Variants in FAM227A observed in about 807,000 individuals in gnomAD.
FAM227A encodes the protein protein FAM227A.
FAM227A carries 80 observed loss-of-function variants against 74.7 expected under a neutral mutation model. That is an observed-to-expected ratio of 1.07 (90% confidence interval 0.89 to 1.29). FAM227A has a LOEUF of 1.29. FAM227A is among the 50% of genes most tolerant of loss of function. FAM227A has a pLI of 0.00. For synonymous variants in FAM227A, 237 were observed against 241.8 expected, an observed-to-expected ratio of 0.98 and a Z score of 0.19; for missense variants, 654 against 683.4, an observed-to-expected ratio of 0.96 and a Z score of 0.48.
chr22:38,618,058 A>T (rs975510161), intron 11 of FAM227A, among the ~76,000 whole-genome samples: 1 of 152,222 alleles, frequency 6.6e-6, no homozygotes. Context: ...GGCCTGTATA[A>T]TAAGGAACAT....
chr22:38,650,091 G>A lies in FAM227A; in HGVS notation c.78C>T (p.Val26=). 6.4e-7 allele frequency: 1 copy of A among 1,552,066 alleles called. No individual in the cohort carries two copies. Among genetic ancestry groups the A allele is most frequent in the Non-Finnish European group, 8.7e-7 (1 of 1,147,066 alleles). ...PMIPVDEHLA[V]SLVARNTMVK... ...CCATTGTATTCCGTGCGACAAGCGA[G>A]ACAGCCAGGTGCTCATCCACTGGTA... The change falls in exon 2 of 17, where the codon GTC becomes GTT. Residue 26 remains valine, a synonymous_variant. Transcript: ENST00000535113.
intron 16 of FAM227A, among the ~76,000 whole-genome samples, chr22:38,586,698 A>G (rs2090816490): frequency 6.6e-6 from 1 of 152,126 alleles, no homozygotes; most frequent in Non-Finnish European, 1.5e-5. Flanking sequence ...GGGACGGAGT[A>G]TCGCTCTGTT....
intron 15 of FAM227A, among the ~76,000 whole-genome samples, chr22:38,593,101 G>A (rs185793833): frequency 6.7e-4 from 102 of 152,344 alleles, no homozygotes; most frequent in African/African-American, 1.9e-3. Flanking sequence ...CATGGATCCC[G>A]CCATCAAGGC....
Position 38,607,475 on chromosome 22 carries a change from GA to G in FAM227A, c.1039del (p.Ser347LeufsTer38). The G allele has an allele frequency of 7.1e-6, 11 of 1,543,842 alleles. No individual in the cohort carries two copies. The highest frequency in any genetic ancestry group is 9.6e-6 in the Non-Finnish European group (11 of 1,139,950). ...AQSRKFYHPQ[S>X]SSANSPSEKT... Reference sequence around the variant, plus strand: ...TTCACTGGGTGAATTTGCACTAGAAGACTTCAGGAGACAAGAGAGAGAAAGA... The same window carrying G: ...TTCACTGGGTGAATTTGCACTAGAAGCTTCAGGAGACAAGAGAGAGAAAGA... On this transcript the variant is annotated frameshift_variant and splice_region_variant, in exon 12 of 17. Transcript: ENST00000535113. LOFTEE classifies it high-confidence loss of function.
At chr22:38,655,645 C>G (rs2145768248) in intron 1 of FAM227A, among the ~76,000 whole-genome samples, 1 of 152,164 alleles carries the variant, frequency 6.6e-6, no homozygotes, top group East Asian at 1.9e-4. Flanking sequence ...ACTTGGCTTT[C>G]TTTTTTACTT....
At chr22:38,593,484 G>A (rs539094767) in intron 15 of FAM227A, among the ~76,000 whole-genome samples, 266 of 152,196 alleles carry the variant, frequency 1.7e-3, no homozygotes, top group Non-Finnish European at 2.8e-3. Flanking sequence ...CAGCCTGGGC[G>A]ACAGAGCAAG....
At position 38,595,969 on chromosome 22, in the gene FAM227A, AAG is replaced by A. The variant is rs1491157992; in HGVS notation, c.1532+1233_1532+1234del. Among the ~76,000 whole-genome samples the A allele has an allele frequency of 1.5e-3, 28 of 18,648 alleles. No homozygotes were observed. In the South Asian group the frequency reaches 0.025, roughly 17 times the overall value. The allele number at this position is 18,648 out of a possible 152,430, so 12.2% of individuals were successfully genotyped here. ...TCCATGTCATAAAAAAACAACTAAT[AAG>A]GGGGGGGGGGCAGGATACTGTTATA... On this transcript the variant is annotated intron_variant, in intron 15 of 16. Transcript: ENST00000535113.
chr22:38,628,886 G>A lies in FAM227A; in HGVS notation c.569C>T (p.Pro190Leu), dbSNP rs201706431. 2.6e-6 allele frequency: 4 copies of A among 1,546,956 alleles called. No individual in the cohort carries two copies. Among genetic ancestry groups the A allele is most frequent in the Admixed American group, 4.0e-5 (2 of 50,294 alleles). ...AAAGCTATCCAGCCAGATGGCTCTT[G>A]GAGAAGAAGAAGAGAGAAACTTCTC... is the stretch of plus-strand genomic sequence containing the variant. Reference protein sequence around the residue: ...ELEKFLSSSSPRAIWLDSFWW... With the variant: ...ELEKFLSSSSLRAIWLDSFWW... Residue 190 changes from proline (P) to leucine (L), a missense_variant, in exon 7 of 17, where the codon CCA becomes CTA. Coordinates refer to ENST00000535113, the MANE Select transcript of FAM227A (RefSeq NM_001013647.2).
At chr22:38,613,427 G>C (rs1435288650) in intron 11 of FAM227A, among the ~76,000 whole-genome samples, 1 of 6,362 alleles carries the variant, frequency 1.6e-4, no homozygotes, top group African/African-American at 3.6e-4. Context: ...TATATAATTT[G>C]TTTGTTTTCC....
intron 3 of FAM227A, among the ~76,000 whole-genome samples, chr22:38,644,302 G>A (rs189670206): frequency 3.3e-5 from 5 of 150,968 alleles, no homozygotes; most frequent in Non-Finnish European, 5.9e-5. Context: ...TGGTTCCCAG[G>A]GGTTAGGGAG....
chr22:38,626,114 C>A, intron 9 of FAM227A, 66 bp downstream of exon 9: 1 of 1,514,610 alleles, frequency 6.6e-7, no homozygotes, highest in East Asian at 2.5e-5. Flanking sequence ...CAATAACATA[C>A]CTAGGTGCCA....
intron 11 of FAM227A, among the ~76,000 whole-genome samples, chr22:38,613,333 A>AAC (rs2091492152): frequency 2.4e-5 from 1 of 41,322 alleles, no homozygotes; most frequent in Non-Finnish European, 4.3e-5. Context: ...TATCATATAT[A>AAC]ATATATAACA....
At chr22:38,590,146 G>A (rs1262792415) in intron 16 of FAM227A, among the ~76,000 whole-genome samples, 4 of 151,296 alleles carry the variant, frequency 2.6e-5, no homozygotes, top group East Asian at 3.9e-4. Flanking sequence ...GGGCATGGTG[G>A]CACGCGCCTG....
At chr22:38,598,636 G>C (rs1354445993) in intron 14 of FAM227A, among the ~76,000 whole-genome samples, 1 of 152,192 alleles carries the variant, frequency 6.6e-6, no homozygotes, top group African/African-American at 2.4e-5. Context: ...TCCTCCTGTT[G>C]GGGAGCTCAA....
At chr22:38,640,019 A>G (rs2092080659) in intron 3 of FAM227A, among the ~76,000 whole-genome samples, 1 of 152,004 alleles carries the variant, frequency 6.6e-6, no homozygotes, top group Non-Finnish European at 1.5e-5. Context: ...GGGGGATAAT[A>G]ATATCTATCT....
intron 8 of FAM227A, among the ~76,000 whole-genome samples, chr22:38,626,865 CAAA>C (rs67498232): frequency 1.8e-4 from 3 of 16,798 alleles, no homozygotes; most frequent in African/African-American, 3.3e-4. Flanking sequence ...GACTCTGTCT[CAAA>C]AAAAAAAAAA....
chr22:38,598,573 G>A (rs1037350369), intron 14 of FAM227A, among the ~76,000 whole-genome samples: 2 of 152,162 alleles, frequency 1.3e-5, no homozygotes, highest in African/African-American at 4.8e-5. Flanking sequence ...ATAAGTTTGC[G>A]GACATGCAGT....
In FAM227A at chr22:38,582,819, A is replaced by C; in HGVS notation, c.*3306T>G. On this transcript the variant is annotated 3_prime_UTR_variant, in exon 17 of 17. Transcript: ENST00000535113. ...AACTGCTGCCATAATGGGATGGCAC[A>C]GAATGCTGTTGGAGCATAATGCAGT... 6.5e-7 allele frequency: 1 copy of C among 1,549,536 alleles called. No homozygotes were observed. The highest frequency in any genetic ancestry group is 8.7e-7 in the Non-Finnish European group (1 of 1,146,824).
At chr22:38,614,296 A>G (rs1488428569) in intron 11 of FAM227A, among the ~76,000 whole-genome samples, 2 of 152,116 alleles carry the variant, frequency 1.3e-5, no homozygotes, top group African/African-American at 4.8e-5. Flanking sequence ...CATTTCCTAA[A>G]ACTTTTTATC....
Sources: gnomAD v4.1 joint callset for allele counts (sites outside exome capture counted in the v4.1 genomes callset) on GRCh38, gnomAD v4.1.1 for gene constraint, MANE v1.5 for transcripts, NCBI Gene and HGNC (gene_info 2026-07-23, HGNC 2026-07-21) for gene names.